Variants in MYH15 observed in about 807,000 individuals in gnomAD.
The protein encoded by MYH15 is myosin-15.
MYH15 carries 227 observed loss-of-function variants against 240.5 expected under a neutral mutation model. That is an observed-to-expected ratio of 0.94 (90% confidence interval 0.85 to 1.05). The LOEUF (loss-of-function observed/expected upper bound fraction) is 1.05. MYH15 is among the 50% of genes least tolerant of loss of function. MYH15 has a pLI of 0.00. For synonymous variants in MYH15, 785 were observed against 796.7 expected, an observed-to-expected ratio of 0.99 and a Z score of 0.25; for missense variants, 2,217 against 2,247.5, an observed-to-expected ratio of 0.99 and a Z score of 0.27.
At chr3:108,518,391 C>G (rs1449889591) in intron 1 of MYH15, among the ~76,000 whole-genome samples, 1 of 152,194 alleles carries the variant, frequency 6.6e-6, no homozygotes, top group South Asian at 2.1e-4. Flanking sequence ...CTGCCAACAT[C>G]TGGATCAAGG....
intron 4 of MYH15, among the ~76,000 whole-genome samples, chr3:108,499,774 C>T (rs2083422414): frequency 6.6e-6 from 1 of 152,148 alleles, no homozygotes; most frequent in South Asian, 2.1e-4. Context: ...TTTTAAGAAT[C>T]GTTGTGTAAT....
intron 35 of MYH15, among the ~76,000 whole-genome samples, chr3:108,395,150 T>A (rs2082450270): frequency 6.6e-6 from 1 of 152,178 alleles, no homozygotes; most frequent in Non-Finnish European, 1.5e-5. Flanking sequence ...ACAGCTGTGG[T>A]CCCAGTTATT....
intron 6 of MYH15, among the ~76,000 whole-genome samples, chr3:108,496,985 C>G (rs930955879): frequency 6.6e-6 from 1 of 151,190 alleles, no homozygotes; most frequent in Non-Finnish European, 1.5e-5. Flanking sequence ...CACAGCGAAA[C>G]CCCGTCTCTA....
At position 108,510,522 on chromosome 3, in the gene MYH15, C is replaced by T. The variant is rs1189937723; in HGVS notation, c.9G>A (p.Leu3=). The T allele has an allele frequency of 1.5e-5, 24 of 1,612,560 alleles. No individual in the cohort carries two copies. Among genetic ancestry groups the T allele is most frequent in the Middle Eastern group, 1.6e-4 (1 of 6,076 alleles). Residue 3 remains leucine (L), a synonymous_variant, in exon 1 of 41, where the codon CTG becomes CTA. Transcript: ENST00000693548. MD[L]SDLGEAAAFL... is the part of the protein sequence containing the mutation. ...AGGCTGCGGCTTCTCCAAGGTCTGA[C>T]AGATCCATCTTTATTAAAGCAATCC...
At chr3:108,524,065 C>T (rs943239353) in intron 1 of MYH15, among the ~76,000 whole-genome samples, 1 of 151,714 alleles carries the variant, frequency 6.6e-6, no homozygotes, top group Non-Finnish European at 1.5e-5. Flanking sequence ...AGAAAGTGTC[C>T]TAGGAGTGGG....
At position 108,409,912 on chromosome 3, in the gene MYH15, C is replaced by T. The variant is rs189798628; in HGVS notation, c.4495+671G>A. On this transcript the variant is annotated intron_variant, in intron 31 of 40. Coordinates refer to ENST00000693548, the MANE Select transcript of MYH15 (RefSeq NM_014981.3). ...AATGATAGCCATCTTTATTACAAAA[C>T]ACTATGTAGCTATTAAAAAGCTTAT... Among the ~76,000 whole-genome samples, 369 of 152,168 alleles carry T rather than the reference C, an allele frequency of 2.4e-3. 4 individuals are homozygous for T. The highest frequency in any genetic ancestry group is 0.019 in the South Asian group (92 of 4,820).
chr3:108,444,003 T>G lies in MYH15; in HGVS notation c.2655+637A>C, dbSNP rs369351207. Among the ~76,000 whole-genome samples, 76 of 74,486 alleles carry G rather than the reference T, an allele frequency of 1.0e-3. 1 individual carries two copies. The highest frequency in any genetic ancestry group is 2.1e-3 in the South Asian group (3 of 1,410). 48.9% of individuals were successfully genotyped at this position (74,486 alleles called of 152,430 possible). On this transcript the variant is annotated intron_variant, in intron 22 of 40. Transcript: ENST00000693548. ...TCACACTCTGGGGACTGTTGTGGGG[T>G]GGGGGAGGGGGGAGGGATAGCATTA...
intron 1 of MYH15, among the ~76,000 whole-genome samples, chr3:108,528,600 C>T (rs1040648907): frequency 6.6e-6 from 1 of 152,196 alleles, no homozygotes; most frequent in African/African-American, 2.4e-5. Flanking sequence ...TAAACTCCCA[C>T]TGAGTGTGCA....
intron 7 of MYH15, among the ~76,000 whole-genome samples, chr3:108,493,875 T>A (rs1363643946): frequency 6.6e-6 from 1 of 152,148 alleles, no homozygotes; most frequent in Admixed American, 6.5e-5. Flanking sequence ...AGCAGAGGAG[T>A]GATGTGATCT....
chr3:108,440,366 A>G (rs558467712), intron 23 of MYH15, among the ~76,000 whole-genome samples: 6 of 152,198 alleles, frequency 3.9e-5, no homozygotes, highest in Admixed American at 6.5e-5. Flanking sequence ...ACATGCAAAC[A>G]TGGAAGTTGA....
intron 32 of MYH15, among the ~76,000 whole-genome samples, chr3:108,405,801 A>T (rs1424229172): frequency 6.6e-6 from 1 of 152,216 alleles, no homozygotes; most frequent in African/African-American, 2.4e-5. Flanking sequence ...GATAAATTTT[A>T]AAAAGTATCA....
chr3:108,457,027 T>C, intron 18 of MYH15, 144 bp from the exon 19 acceptor site: 1 of 610,732 alleles, frequency 1.6e-6, no homozygotes, highest in Non-Finnish European at 2.9e-6. Flanking sequence ...GTTCACTCAC[T>C]TATGGCCTGA....
chr3:108,550,985 A>T, the MYH15 span: 20 of 391,116 alleles, frequency 5.1e-5, no homozygotes, highest in Non-Finnish European at 8.0e-5. Context: ...TTTCTATTCA[A>T]ACTATCAAAT....
rs1553766067 is a variant in MYH15 at position 108,427,635 on chromosome 3, C to CAGAGAGAGAGAG, written c.3702+845_3702+856dup. On this transcript the variant is annotated intron_variant, in intron 27 of 40. Transcript: ENST00000693548. ...CACACACAACACACACACACACACA[C>CAGAGAGAGAGAG]AGAGAGAGAGAGAGAGAGAGAAAGA... Among the ~76,000 whole-genome samples the CAGAGAGAGAGAG allele has an allele frequency of 6.1e-5, 9 of 146,740 alleles. No homozygotes were observed. In the South Asian group the frequency reaches 6.6e-4, roughly 11 times the overall value.
chr3:108,544,369 T>C, the MYH15 span, among the ~76,000 whole-genome samples: 1 of 152,180 alleles, frequency 6.6e-6, no homozygotes, highest in Non-Finnish European at 1.5e-5. Flanking sequence ...TAGTATGTAA[T>C]GACCACAGAA....
At chr3:108,491,382 T>C (rs904968252) in intron 9 of MYH15, among the ~76,000 whole-genome samples, 2 of 152,204 alleles carry the variant, frequency 1.3e-5, no homozygotes, top group African/African-American at 4.8e-5. Flanking sequence ...ATTCCACATT[T>C]TTTTTCTTAT....
chr3:108,386,778 C>A (rs1358211098), intron 38 of MYH15, among the ~76,000 whole-genome samples: 1 of 151,862 alleles, frequency 6.6e-6, no homozygotes, highest in African/African-American at 2.4e-5. Flanking sequence ...GCAACTTAAC[C>A]AAATTGTATT....
At chr3:108,513,991 C>T (rs1360409426), upstream of MYH15, among the ~76,000 whole-genome samples, 2 of 152,136 alleles carry the variant, frequency 1.3e-5, no homozygotes, top group African/African-American at 2.4e-5. Context: ...GGCACAATTT[C>T]CAGGTGTATC....
intron 22 of MYH15, among the ~76,000 whole-genome samples, chr3:108,444,180 T>A (rs868023439): frequency 4.0e-5 from 6 of 151,754 alleles, no homozygotes; most frequent in South Asian, 2.1e-4. Flanking sequence ...TTAATTTTTT[T>A]AAAAAAAGCT....
Sources: gnomAD v4.1 joint callset for allele counts (sites outside exome capture counted in the v4.1 genomes callset) on GRCh38, gnomAD v4.1.1 for gene constraint, MANE v1.5 for transcripts, NCBI Gene and HGNC (gene_info 2026-07-23, HGNC 2026-07-21) for gene names.